MCTP1: variants seen among roughly 807,000 people sequenced by gnomAD.
The protein encoded by MCTP1 is multiple C2 and transmembrane domain-containing protein 1.
Under a neutral mutation model 120.6 loss-of-function variants are expected in MCTP1, and 69 were observed. That is an observed-to-expected ratio of 0.57 (90% CI 0.47 to 0.70). The LOEUF is 0.70. Ranked by LOEUF, MCTP1 falls within the 30% of genes least tolerant of loss-of-function variation. The pLI is 0.00. For missense variants in MCTP1, 1,203 were observed against 1,248.8 expected (o/e 0.96, Z 0.55); for synonymous variants, 529 against 493.1 (o/e 1.07, Z -0.96).
chr5:95,195,221 A>G (rs973358359), intron 1 of MCTP1, among the ~76,000 whole-genome samples: 43 of 152,324 alleles, frequency 2.8e-4, no homozygotes, highest in African/African-American at 1.0e-3. Flanking sequence ...AAGATCTGAG[A>G]CACAGTAGCC....
intron 1 of MCTP1, among the ~76,000 whole-genome samples, chr5:95,267,932 A>C (rs369234413): frequency 4.6e-5 from 7 of 152,294 alleles, no homozygotes; most frequent in African/African-American, 1.7e-4. Context: ...TCTGCCCAGA[A>C]CTGTCTGCCA....
chr5:94,724,597 T>G (rs1761712070), intron 19 of MCTP1, among the ~76,000 whole-genome samples: 1 of 151,978 alleles, frequency 6.6e-6, no homozygotes. Context: ...CTCCACACAA[T>G]GGGTTTGCAT....
At chr5:95,153,016 T>C (rs187186358) in intron 1 of MCTP1, among the ~76,000 whole-genome samples, 1 of 152,274 alleles carries the variant, frequency 6.6e-6, no homozygotes, top group East Asian at 1.9e-4. Context: ...AAAGAAAACA[T>C]AGTCAGTCTC....
chr5:95,226,641 A>G (rs577524828), intron 1 of MCTP1, among the ~76,000 whole-genome samples: 7 of 151,202 alleles, frequency 4.6e-5, no homozygotes, highest in African/African-American at 1.7e-4. Flanking sequence ...TCTATTTTCC[A>G]TGAGAATATT....
chr5:94,807,649 C>T (rs776801765), intron 17 of MCTP1, among the ~76,000 whole-genome samples: 19 of 152,250 alleles, frequency 1.2e-4, no homozygotes, highest in Non-Finnish European at 2.6e-4. Context: ...CACTTTCCTC[C>T]CTAGGGCACA....
chr5:94,929,762 C>T, intron 6 of MCTP1: 1 of 762,050 alleles, frequency 1.3e-6, no homozygotes, highest in Non-Finnish European at 1.6e-6. Context: ...TTGGATTTAA[C>T]ATTGCGCTCT....
chr5:94,769,973 T>C (rs1309643572), intron 19 of MCTP1, among the ~76,000 whole-genome samples: 1 of 152,246 alleles, frequency 6.6e-6, no homozygotes, highest in Non-Finnish European at 1.5e-5. Context: ...TACCTCTATT[T>C]ATATAGCCAA....
chr5:95,237,659 A>G (rs1353535091), intron 1 of MCTP1, among the ~76,000 whole-genome samples: 2 of 152,216 alleles, frequency 1.3e-5, no homozygotes, highest in Non-Finnish European at 2.9e-5. Context: ...GAGGAAAATA[A>G]ATGCTCACTA....
chr5:94,888,994 AT>A, intron 11 of MCTP1, 22 bp from the exon 12 acceptor site: 1 of 1,533,450 alleles, frequency 6.5e-7, no homozygotes, highest in Non-Finnish European at 9.0e-7. Flanking sequence ...CAACATCAGT[AT>A]TAGAAAAGGG....
At chr5:95,234,190 C>G (rs187212087) in intron 1 of MCTP1, among the ~76,000 whole-genome samples, 270 of 152,264 alleles carry the variant, frequency 1.8e-3, no homozygotes, top group Non-Finnish European at 2.7e-3. Context: ...TAACGAGAGA[C>G]CATCCAGAAA....
chr5:94,867,315 C>T, intron 17 of MCTP1: 2 of 1,532,236 alleles, frequency 1.3e-6, no homozygotes, highest in Non-Finnish European at 1.7e-6. Flanking sequence ...TGGTAACTTA[C>T]AACACAAAGG....
intron 1 of MCTP1, among the ~76,000 whole-genome samples, chr5:95,168,037 T>G (rs944260590): frequency 6.6e-6 from 1 of 152,198 alleles, no homozygotes. Context: ...AGGTCTAACA[T>G]TTAAGTCTTT....
chr5:94,734,488 G>C (rs1763769397), intron 19 of MCTP1, among the ~76,000 whole-genome samples: 1 of 152,204 alleles, frequency 6.6e-6, no homozygotes, highest in African/African-American at 2.4e-5. Flanking sequence ...GTCAGATGAT[G>C]GGATTCAATG....
At chr5:94,968,267 TTAAA>T (rs1426974537) in intron 2 of MCTP1, among the ~76,000 whole-genome samples, 1 of 152,190 alleles carries the variant, frequency 6.6e-6, no homozygotes, top group Non-Finnish European at 1.5e-5. Context: ...TAGAAGAAAA[TTAAA>T]TAGATTCCTT....
At chr5:94,787,414 A>C (rs1777956258) in intron 18 of MCTP1, among the ~76,000 whole-genome samples, 1 of 152,156 alleles carries the variant, frequency 6.6e-6, no homozygotes, top group South Asian at 2.1e-4. Context: ...AGGAAATCTT[A>C]CTGTGGCAAT....
At chr5:94,840,651 G>C (rs1259299904) in intron 17 of MCTP1, among the ~76,000 whole-genome samples, 1 of 152,094 alleles carries the variant, frequency 6.6e-6, no homozygotes, top group South Asian at 2.1e-4. Flanking sequence ...ATTTATCAGG[G>C]CTTACCACCT....
intron 18 of MCTP1, among the ~76,000 whole-genome samples, chr5:94,795,308 G>T (rs1779781972): frequency 6.6e-6 from 1 of 152,146 alleles, no homozygotes; most frequent in Non-Finnish European, 1.5e-5. Context: ...CCAACCCATT[G>T]ACTGGGCTAA....
chr5:95,090,994 G>T (rs191235885), intron 1 of MCTP1, among the ~76,000 whole-genome samples: 14 of 152,170 alleles, frequency 9.2e-5, no homozygotes, highest in Admixed American at 7.9e-4. Flanking sequence ...TGTAGCCCCT[G>T]CCCACAAGGG....
intron 10 of MCTP1, among the ~76,000 whole-genome samples, chr5:94,906,797 G>C (rs1307609530): frequency 6.6e-6 from 1 of 152,102 alleles, no homozygotes; most frequent in Non-Finnish European, 1.5e-5. Context: ...CTTAAAAAAT[G>C]TTACTAGCCA....
Sources: gnomAD v4.1 joint callset for allele counts (sites outside exome capture counted in the v4.1 genomes callset) on GRCh38, gnomAD v4.1.1 for gene constraint, MANE v1.5 for transcripts, NCBI Gene and HGNC (gene_info 2026-07-23, HGNC 2026-07-21) for gene names.